PRDM15: variants seen among roughly 807,000 people sequenced by gnomAD.
PRDM15 encodes PR domain zinc finger protein 15.
PRDM15 carries 64 observed loss-of-function variants against 128.6 expected under a neutral mutation model. The ratio of observed to expected loss-of-function variants is 0.50; its 90% CI spans 0.41 to 0.61. The LOEUF (loss-of-function observed/expected upper bound fraction) is 0.61, where lower values mean the gene tolerates loss of function less well. Ranked by LOEUF, PRDM15 falls within the 20% of genes least tolerant of loss-of-function variation. PRDM15 has a pLI of 0.00. For missense variants in PRDM15, 1,242 were observed against 1,569.1 expected (o/e 0.79, Z 3.52); for synonymous variants, 615 against 621.8 (o/e 0.99, Z 0.16).
At chr21:41,825,002 G>A (rs1337062743) in intron 13 of PRDM15, among the ~76,000 whole-genome samples, 2 of 152,208 alleles carry the variant, frequency 1.3e-5, no homozygotes, top group African/African-American at 4.8e-5. Flanking sequence ...CACGTGAGCT[G>A]TGTGTGGCTG....
At chr21:41,815,382 C>A (rs1172900205) in intron 19 of PRDM15, among the ~76,000 whole-genome samples, 1 of 152,234 alleles carries the variant, frequency 6.6e-6, no homozygotes, top group Non-Finnish European at 1.5e-5. Context: ...ACATCCCTGG[C>A]CCTTGTCTGG....
At chr21:41,819,263 C>T (rs942424616) in intron 18 of PRDM15, among the ~76,000 whole-genome samples, 5 of 152,226 alleles carry the variant, frequency 3.3e-5, no homozygotes, top group African/African-American at 1.2e-4. Flanking sequence ...GGTCACATCC[C>T]CTTCCAGAGC....
intron 4 of PRDM15, among the ~76,000 whole-genome samples, chr21:41,856,932 A>G (rs1380515732): frequency 6.6e-6 from 1 of 152,220 alleles, no homozygotes; most frequent in Non-Finnish European, 1.5e-5. Context: ...TCTCCTGCAT[A>G]TGTCTTAAAC....
chr21:41,870,668 T>G (rs2064177752), intron 1 of PRDM15: 1 of 152,158 alleles, frequency 6.6e-6, no homozygotes, highest in Non-Finnish European at 1.5e-5. Context: ...GAAAAGTCCT[T>G]CAACAAAAAT....
intron 2 of PRDM15, 126 bp downstream of exon 2, chr21:41,860,201 T>C: frequency 1.5e-6 from 1 of 656,918 alleles, no homozygotes. Context: ...TTTAAATATA[T>C]AGCTTTTCTA....
At chr21:41,824,882 G>A (rs2062412597) in intron 13 of PRDM15, among the ~76,000 whole-genome samples, 1 of 152,272 alleles carries the variant, frequency 6.6e-6, no homozygotes, top group Non-Finnish European at 1.5e-5. Context: ...AAAGCTCGGT[G>A]ATGGTGCTGC....
chr21:41,824,180 AAGAAG>A (rs2062385586), intron 13 of PRDM15, among the ~76,000 whole-genome samples: 2 of 152,188 alleles, frequency 1.3e-5, no homozygotes, highest in Non-Finnish European at 2.9e-5. Flanking sequence ...CCACATTGTC[AAGAAG>A]AGAACAGATG....
At chr21:41,867,567 C>T (rs1187764470) in intron 1 of PRDM15, among the ~76,000 whole-genome samples, 1 of 152,216 alleles carries the variant, frequency 6.6e-6, no homozygotes, top group Non-Finnish European at 1.5e-5. Flanking sequence ...CCGCAGCCTC[C>T]GCATAGCTGG....
Position 41,799,870 on chromosome 21 carries a change from C to G in PRDM15, c.*1370G>C, listed in dbSNP as rs1030498315. On this transcript the variant is annotated 3_prime_UTR_variant, in exon 24 of 24. Transcript: ENST00000398548. ...CAGGAAAGTTAAGAGCAAACTTCTCCCCACACCTCTCAGTGTTTCTTGTCG... is the reference window on the plus strand; with the variant it reads ...CAGGAAAGTTAAGAGCAAACTTCTCGCCACACCTCTCAGTGTTTCTTGTCG... 6.6e-6 allele frequency: 1 copy of G among 152,422 alleles called. No homozygotes were observed. The highest frequency in any genetic ancestry group is 1.5e-5 in the Non-Finnish European group (1 of 68,044). The allele number at this position is 152,422 out of a possible 1,614,324, so 9.4% of individuals were successfully genotyped here.
chr21:41,829,377 T>C (rs2062602393), intron 11 of PRDM15, among the ~76,000 whole-genome samples: 1 of 147,804 alleles, frequency 6.8e-6, no homozygotes, highest in Admixed American at 6.7e-5. Flanking sequence ...ACACCACAAA[T>C]ACACACATAT....
chr21:41,846,895 G>T (rs987765814), intron 6 of PRDM15, among the ~76,000 whole-genome samples, 195 bp downstream of exon 6: 1 of 152,124 alleles, frequency 6.6e-6, no homozygotes, highest in East Asian at 1.9e-4. Flanking sequence ...TGCAGGGGTC[G>T]GGGGTGGGAA....
intron 1 of PRDM15, among the ~76,000 whole-genome samples, chr21:41,860,655 T>C (rs1019866360): frequency 1.3e-5 from 2 of 152,156 alleles, no homozygotes; most frequent in Non-Finnish European, 2.9e-5. Flanking sequence ...TCTCTTGACC[T>C]TGTGATCCGC....
chr21:41,817,446 G>A (rs1242435496), intron 18 of PRDM15, among the ~76,000 whole-genome samples: 2 of 152,118 alleles, frequency 1.3e-5, no homozygotes, highest in African/African-American at 4.8e-5. Flanking sequence ...AGGCTCTCAC[G>A]ACTACTAACA....
At chr21:41,841,588 G>C (rs768321135) in intron 6 of PRDM15, among the ~76,000 whole-genome samples, 5 of 151,966 alleles carry the variant, frequency 3.3e-5, no homozygotes, top group Admixed American at 1.3e-4. Flanking sequence ...AAGGAAATTA[G>C]CAAACATCAT....
intron 21 of PRDM15, among the ~76,000 whole-genome samples, chr21:41,807,036 C>T (rs899268269): frequency 2.6e-5 from 4 of 151,688 alleles, no homozygotes; most frequent in Non-Finnish European, 5.9e-5. Flanking sequence ...TCACCAACAC[C>T]AGGTCCCCCA....
chr21:41,807,638 C>T (rs906036037), intron 21 of PRDM15, among the ~76,000 whole-genome samples: 1 of 152,084 alleles, frequency 6.6e-6, no homozygotes, highest in Non-Finnish European at 1.5e-5. Flanking sequence ...CTACCCAGAC[C>T]GTAAAGTCCA....
intron 21 of PRDM15, among the ~76,000 whole-genome samples, chr21:41,805,093 C>T (rs964078714): frequency 1.2e-4 from 19 of 152,192 alleles, no homozygotes; most frequent in African/African-American, 2.4e-4. Context: ...GATGAAGTGA[C>T]GCCCTGCCCC....
intron 22 of PRDM15, 84 bp downstream of exon 22, chr21:41,804,450 G>C (rs986791745): frequency 1.8e-6 from 2 of 1,098,450 alleles, no homozygotes; most frequent in Non-Finnish European, 2.7e-6. Flanking sequence ...GCTCCCTCCC[G>C]GCCTGTCCAA....
rs1472880760 is a variant in PRDM15 at position 41,835,443 on chromosome 21, T to A, written c.1360A>T (p.Arg454Trp). Residue 454 changes from arginine to tryptophan, a missense_variant, in exon 11 of 24, where the codon AGG becomes TGG. By Grantham distance (101) the Arg-to-Trp change is moderately radical (BLOSUM62 -3). This residue lies in a region of PRDM15 where 612 missense variants were observed against 717.0 expected (regional missense o/e 0.85). Transcript: ENST00000398548. ...IESALEFHNCRTDDKTFQCEM... is the reference protein window; with the variant it reads ...IESALEFHNCWTDDKTFQCEM... ...ACGTGACCGGCGCCCTCACCTGTCC[T>A]GCAGTTGTGGAACTCCAGCGCGCTC... is the stretch of plus-strand genomic sequence containing the variant. 4 of 1,608,364 alleles carry A rather than the reference T, an allele frequency of 2.5e-6. No individual in the cohort carries two copies. The South Asian group carries it at 4.4e-5, about 18-fold the overall frequency.
Sources: allele counts gnomAD v4.1 joint callset (sites outside exome capture counted in the v4.1 genomes callset), GRCh38; gene constraint gnomAD v4.1.1; regional missense constraint gnomAD v4.1.1; transcripts MANE v1.5; gene names NCBI Gene and HGNC (gene_info 2026-07-23, HGNC 2026-07-21).